The following ITPR2 variants were observed in gnomAD, a reference collection of about 807,000 sequenced individuals.
ITPR2 encodes the protein inositol 1,4,5-trisphosphate-gated calcium channel ITPR2.
ITPR2 carries 207 observed loss-of-function variants against 317.1 expected under a neutral mutation model. That is an observed-to-expected ratio of 0.65 (90% CI 0.58 to 0.73). The LOEUF (loss-of-function observed/expected upper bound fraction) is 0.73. ITPR2 is among the 30% of genes least tolerant of loss of function. The probability of loss-of-function intolerance (pLI) is 0.00; values close to 1 mark genes in which losing one functional copy is unlikely to be tolerated. For missense variants in ITPR2, 2,613 were observed against 3,284.0 expected (o/e 0.80, Z 4.99); for synonymous variants, 1,156 against 1,149.1 (o/e 1.01, Z -0.12).
chr12:26,769,469 A>C (rs1280007607), intron 2 of ITPR2, among the ~76,000 whole-genome samples: 2 of 152,154 alleles, frequency 1.3e-5, no homozygotes, highest in African/African-American at 4.8e-5. Context: ...CACAGTGTAC[A>C]AATCAATCTT....
intron 2 of ITPR2, among the ~76,000 whole-genome samples, chr12:26,788,503 C>A (rs976170561): frequency 6.6e-6 from 1 of 152,132 alleles, no homozygotes; most frequent in African/African-American, 2.4e-5. Context: ...GTCTTTAATA[C>A]CCTATAGTTC....
intron 29 of ITPR2, among the ~76,000 whole-genome samples, chr12:26,599,760 T>C (rs529288024): frequency 2.0e-5 from 3 of 152,152 alleles, no homozygotes; most frequent in South Asian, 4.1e-4. Flanking sequence ...TTTAACTATA[T>C]ACGTATAAAA....
At chr12:26,734,211 T>G (rs1259308521) in intron 2 of ITPR2, among the ~76,000 whole-genome samples, 1 of 152,208 alleles carries the variant, frequency 6.6e-6, no homozygotes, top group Non-Finnish European at 1.5e-5. Context: ...GTTTTTAAAT[T>G]TAGTCCAGAT....
intron 45 of ITPR2, among the ~76,000 whole-genome samples, chr12:26,466,717 G>T (rs974714155): frequency 6.6e-6 from 1 of 152,196 alleles, no homozygotes; most frequent in Non-Finnish European, 1.5e-5. Flanking sequence ...AGATGAGAAG[G>T]TTGAAGCCAG....
At chr12:26,512,235 G>A (rs1303949759) in intron 37 of ITPR2, among the ~76,000 whole-genome samples, 1 of 146,116 alleles carries the variant, frequency 6.8e-6, no homozygotes, top group African/African-American at 2.5e-5. Flanking sequence ...TTGCCCACAA[G>A]AAGATTCCTT....
chr12:26,419,481 A>G (rs931151429), intron 49 of ITPR2: 8 of 293,908 alleles, frequency 2.7e-5, no homozygotes, highest in African/African-American at 8.8e-5. Context: ...AGTTCCAGGA[A>G]GAGAGAGAAT....
At chr12:26,731,003 A>G (rs1325220073) in intron 2 of ITPR2, among the ~76,000 whole-genome samples, 1 of 152,200 alleles carries the variant, frequency 6.6e-6, no homozygotes, top group Admixed American at 6.5e-5. Context: ...TACTTTCTAC[A>G]ATATTTGTAT....
chr12:26,768,597 A>AAC (rs1242285451), intron 2 of ITPR2, among the ~76,000 whole-genome samples: 2 of 147,470 alleles, frequency 1.4e-5, no homozygotes, highest in East Asian at 2.0e-4. Flanking sequence ...AAAAAAAAAA[A>AAC]CCTCCTGTTT....
At chr12:26,490,740 G>A (rs1219432844) in intron 39 of ITPR2, among the ~76,000 whole-genome samples, 2 of 152,210 alleles carry the variant, frequency 1.3e-5, no homozygotes, top group Non-Finnish European at 2.9e-5. Context: ...TTGAACCCAG[G>A]AGGCAGAAGT....
At chr12:26,514,070 T>C (rs1466708709) in intron 37 of ITPR2, among the ~76,000 whole-genome samples, 1 of 152,264 alleles carries the variant, frequency 6.6e-6, no homozygotes, top group Non-Finnish European at 1.5e-5. Context: ...GTGATACTTA[T>C]AAACCATAGA....
At chr12:26,784,796 G>GC (rs530127392) in intron 2 of ITPR2, among the ~76,000 whole-genome samples, 1,720 of 132,890 alleles carry the variant, frequency 0.013, 18 homozygotes, top group African/African-American at 0.042. Flanking sequence ...TCTCTGCCTG[G>GC]CCCCCCATCG....
intron 23 of ITPR2, chr12:26,627,335 T>C (rs1247715030): frequency 6.6e-6 from 1 of 152,216 alleles, no homozygotes; most frequent in Non-Finnish European, 1.5e-5. Context: ...AACATCATGA[T>C]GCTGAAAAGA....
chr12:26,542,807 G>C (rs564716579), intron 37 of ITPR2, among the ~76,000 whole-genome samples: 17 of 152,290 alleles, frequency 1.1e-4, no homozygotes, highest in African/African-American at 3.8e-4. Context: ...AACATTAACA[G>C]ATAGGAATAT....
At chr12:26,436,199 T>A in intron 48 of ITPR2, 22 bp downstream of exon 48, 1 of 1,533,068 alleles carries the variant, frequency 6.5e-7, no homozygotes. Context: ...TATTTATATT[T>A]TAAGGAAAAA....
chr12:26,448,043 A>G (rs1941654145), intron 45 of ITPR2, among the ~76,000 whole-genome samples: 1 of 151,340 alleles, frequency 6.6e-6, no homozygotes, highest in African/African-American at 2.4e-5. Context: ...CAATCACACC[A>G]TTTAGTATTA....
chr12:26,503,293 G>A (rs1454508488), intron 37 of ITPR2, among the ~76,000 whole-genome samples: 1 of 151,164 alleles, frequency 6.6e-6, no homozygotes, highest in Non-Finnish European at 1.5e-5. Flanking sequence ...TAAAAGAGAG[G>A]AAGAAAACTG....
intron 34 of ITPR2, among the ~76,000 whole-genome samples, chr12:26,570,255 T>G (rs1322198294): frequency 6.6e-6 from 1 of 152,182 alleles, no homozygotes; most frequent in African/African-American, 2.4e-5. Context: ...CATATTGCAT[T>G]TCCCCCAAAA....
At chr12:26,517,053 A>G (rs953743007) in intron 37 of ITPR2, among the ~76,000 whole-genome samples, 4 of 152,122 alleles carry the variant, frequency 2.6e-5, no homozygotes, top group Non-Finnish European at 5.9e-5. Flanking sequence ...GACAAGTAAG[A>G]AAACTAGGAA....
intron 1 of ITPR2, 123 bp downstream of exon 1, chr12:26,832,567 G>T: frequency 4.9e-6 from 3 of 614,622 alleles, no homozygotes; most frequent in Non-Finnish European, 8.0e-6. Flanking sequence ...GTCCGCGGGC[G>T]CCGACCCTGC....
Sources: gnomAD v4.1 joint callset for allele counts (sites outside exome capture counted in the v4.1 genomes callset) on GRCh38, gnomAD v4.1.1 for gene constraint, MANE v1.5 for transcripts, NCBI Gene and HGNC (gene_info 2026-07-23, HGNC 2026-07-21) for gene names.